The following DOCK9 variants were observed in gnomAD, a reference collection of about 807,000 sequenced individuals.
DOCK9 encodes dedicator of cytokinesis protein 9.
A neutral mutation model predicts 263.3 loss-of-function variants in DOCK9; 89 were observed. The observed-to-expected ratio is 0.34, with a 90% CI of 0.28 to 0.40. The LOEUF (loss-of-function observed/expected upper bound fraction) is 0.40, where lower values mean the gene tolerates loss of function less well. Ranked by LOEUF, DOCK9 falls within the 10% of genes least tolerant of loss-of-function variation. The probability of loss-of-function intolerance (pLI) is 1.00; values close to 1 mark genes in which losing one functional copy is unlikely to be tolerated. For missense variants in DOCK9, 2,140 were observed against 2,603.4 expected, an observed-to-expected ratio of 0.82 and a Z score of 3.87; for synonymous variants, 976 against 973.1, an observed-to-expected ratio of 1.00 and a Z score of -0.06.
At chr13:99,076,566 T>C (rs879298647) in intron 1 of DOCK9, among the ~76,000 whole-genome samples, 2 of 152,154 alleles carry the variant, frequency 1.3e-5, no homozygotes, top group Non-Finnish European at 2.9e-5. Context: ...TAGTCATATG[T>C]AGCAATGAGA....
intron 45 of DOCK9, among the ~76,000 whole-genome samples, chr13:98,817,612 A>T (rs2091971787): frequency 6.6e-6 from 1 of 151,824 alleles, no homozygotes; most frequent in Non-Finnish European, 1.5e-5. Context: ...ATTCGAATAC[A>T]TGCTATTTTT....
rs187319481 is a variant in DOCK9 at position 98,934,987 on chromosome 13, T to A, written c.244-4730A>T. Among the ~76,000 whole-genome samples the A allele has an allele frequency of 2.6e-4, 39 of 152,244 alleles. No individual in the cohort carries two copies. In the East Asian group the frequency reaches 4.1e-3, roughly 16 times the overall value. On this transcript the variant is annotated intron_variant, in intron 2 of 52. Coordinates refer to ENST00000682017, the MANE Select transcript of DOCK9 (RefSeq NM_001366683.2). The stretch of plus-strand genomic sequence containing the variant: ...CTTACAGTCTGATGAAAGAGGACGA[T>A]GAGGAAATAATTATTAGAGTGTGAT...
At chr13:98,919,552 G>A (rs2051537712) in intron 7 of DOCK9, among the ~76,000 whole-genome samples, 1 of 152,198 alleles carries the variant, frequency 6.6e-6, no homozygotes, top group Non-Finnish European at 1.5e-5. Flanking sequence ...CGAGCTACAG[G>A]CTGATGTGAT....
At chr13:99,075,231 T>C (rs1048320838) in intron 1 of DOCK9, among the ~76,000 whole-genome samples, 1 of 152,208 alleles carries the variant, frequency 6.6e-6, no homozygotes, top group African/African-American at 2.4e-5. Flanking sequence ...ATGCAGTTCA[T>C]CTGTGAGTTT....
At chr13:98,933,692 C>T (rs1183252483) in intron 2 of DOCK9, among the ~76,000 whole-genome samples, 2 of 152,234 alleles carry the variant, frequency 1.3e-5, no homozygotes, top group African/African-American at 4.8e-5. Context: ...TTGAACTACA[C>T]ACTATTTGAT....
intron 1 of DOCK9, among the ~76,000 whole-genome samples, chr13:98,990,616 C>T (rs1351176999): frequency 6.6e-6 from 1 of 152,212 alleles, no homozygotes; most frequent in Non-Finnish European, 1.5e-5. Flanking sequence ...GGGATTTGCT[C>T]CCCAAGGCTG....
chr13:99,024,640 T>C (rs1282406321), intron 1 of DOCK9, among the ~76,000 whole-genome samples: 1 of 152,184 alleles, frequency 6.6e-6, no homozygotes, highest in Non-Finnish European at 1.5e-5. Flanking sequence ...AGAAATGCTG[T>C]CTCAACATGA....
chr13:98,882,987 A>T, intron 23 of DOCK9, 55 bp downstream of exon 23: 1 of 1,496,502 alleles, frequency 6.7e-7, no homozygotes, highest in African/African-American at 1.4e-5. Context: ...CAAAGAGAAA[A>T]CCCAACCTAC....
At chr13:98,882,534 C>T (rs546735852) in intron 23 of DOCK9, among the ~76,000 whole-genome samples, 1 of 152,302 alleles carries the variant, frequency 6.6e-6, no homozygotes, top group African/African-American at 2.4e-5. Context: ...CCCACAGCCA[C>T]GTTCTGGATG....
In DOCK9 at chr13:98,923,337, C is replaced by T. The variant is rs761997091; in HGVS notation, c.451G>A (p.Val151Ile). The T allele has an allele frequency of 2.5e-6, 4 of 1,613,904 alleles. No individual in the cohort carries two copies. The highest frequency in any genetic ancestry group is 3.4e-6 in the Non-Finnish European group (4 of 1,179,832). ...VVKLDKLPVH[V>I]YEVDEEVDKD... is the part of the protein sequence containing the mutation. The stretch of plus-strand genomic sequence containing the variant: ...TCGACCTCCTCGTCAACTTCATAGA[C>T]ATGAACTGGAAGTTTATCCAACTTG... Residue 151 changes from valine (V) to isoleucine (I), a missense_variant, in exon 5 of 53, where the codon GTC (valine) becomes ATC (isoleucine). Physicochemically the swap from Val to Ile is conservative, Grantham distance 29. Transcript: ENST00000682017.
Position 98,829,596 on chromosome 13 carries a change from C to T in DOCK9, c.4749+47G>A, listed in dbSNP as rs1338263175. The T allele has an allele frequency of 5.0e-6, 8 of 1,584,782 alleles. No individual in the cohort carries two copies. Among genetic ancestry groups the T allele is most frequent in the Non-Finnish European group, 6.9e-6 (8 of 1,163,382 alleles). The stretch of plus-strand genomic sequence containing the variant: ...TGCCTGTCCACAAGCACCTCAGGTG[C>T]TGATGCAGAGTCTCAGGGTGAAACT... On this transcript the variant is annotated intron_variant, in intron 42 of 52. Coordinates refer to ENST00000682017, the MANE Select transcript of DOCK9 (RefSeq NM_001366683.2). The surrounding 1 kb of genome is among the most constrained non-coding windows in gnomAD (Gnocchi z 4.1).
At chr13:98,953,000 C>T (rs1397352542) in intron 2 of DOCK9, among the ~76,000 whole-genome samples, 3 of 152,294 alleles carry the variant, frequency 2.0e-5, no homozygotes, top group African/African-American at 4.8e-5. Flanking sequence ...AATAATTCTG[C>T]TCTTATTCTG....
intron 30 of DOCK9, among the ~76,000 whole-genome samples, chr13:98,866,208 T>C (rs768796241): frequency 1.3e-5 from 2 of 152,192 alleles, no homozygotes; most frequent in Admixed American, 6.5e-5. Context: ...TCTATGTATC[T>C]TGTGTATGTA....
intron 1 of DOCK9, among the ~76,000 whole-genome samples, chr13:99,001,189 T>C (rs1882232664): frequency 6.6e-6 from 1 of 152,232 alleles, no homozygotes; most frequent in Non-Finnish European, 1.5e-5. Context: ...GGATAATTAT[T>C]TAAATATACT....
chr13:98,886,083 G>A (rs1480101330), intron 19 of DOCK9, among the ~76,000 whole-genome samples: 1 of 152,192 alleles, frequency 6.6e-6, no homozygotes, highest in Non-Finnish European at 1.5e-5. Flanking sequence ...GACAGTAACT[G>A]CTACGCTAAG....
At chr13:99,085,903 A>C (rs1297041983) in intron 1 of DOCK9, among the ~76,000 whole-genome samples, 1 of 152,042 alleles carries the variant, frequency 6.6e-6, no homozygotes, top group Non-Finnish European at 1.5e-5. Flanking sequence ...CAGTTGACAG[A>C]AAGCAGGTAA....
chr13:98,796,471 T>C (rs1413658663), intron 52 of DOCK9, among the ~76,000 whole-genome samples: 1 of 152,048 alleles, frequency 6.6e-6, no homozygotes, highest in Non-Finnish European at 1.5e-5. Context: ...AAAAAAACAA[T>C]GTGGATGCTG....
chr13:99,070,453 G>GT lies in DOCK9; in HGVS notation c.129+15769dup, dbSNP rs1555306761. On this transcript the variant is annotated intron_variant, in intron 1 of 32. Coordinates refer to the DOCK9 transcript ENST00000427887. ...GACCACACGCATTTCTGCTTACTGCGTTTTTTTTGCTCAACATTGTAATTT... is the reference window on the plus strand; with the variant it reads ...GACCACACGCATTTCTGCTTACTGCGTTTTTTTTTGCTCAACATTGTAATTT... 7.9e-5 allele frequency among the ~76,000 whole-genome samples: 12 copies of GT among 151,820 alleles called. No homozygotes were observed. The South Asian group carries it at 1.5e-3, about 18-fold the overall frequency.
intron 14 of DOCK9, 112 bp from the exon 15 acceptor site, chr13:98,897,722 C>A: frequency 7.2e-7 from 1 of 1,382,950 alleles, no homozygotes; most frequent in Non-Finnish European, 9.8e-7. Flanking sequence ...TGGCTATAGC[C>A]AACAGAAATC....
Sources: gnomAD v4.1 joint callset for allele counts (sites outside exome capture counted in the v4.1 genomes callset) on GRCh38, gnomAD v4.1.1 for gene constraint, Gnocchi (gnomAD v3.1) non-coding constraint, MANE v1.5 for transcripts, NCBI Gene and HGNC (gene_info 2026-07-23, HGNC 2026-07-21) for gene names.